The following SOBP variants were observed in gnomAD, a reference collection of about 807,000 sequenced individuals.
SOBP encodes sine oculis binding protein homolog, also known as sine oculis-binding protein homolog.
SOBP carries 4 observed loss-of-function variants against 53.6 expected under a neutral mutation model. The observed-to-expected ratio is 0.07, with a 90% CI of 0.04 to 0.17. The LOEUF (loss-of-function observed/expected upper bound fraction) is 0.17. SOBP is among the 10% of genes least tolerant of loss of function. The pLI is 1.00. For missense variants in SOBP, 1,088 were observed against 1,204.7 expected, an observed-to-expected ratio of 0.90 and a Z score of 1.43; for synonymous variants, 584 against 522.6, an observed-to-expected ratio of 1.12 and a Z score of -1.60.
intron 6 of SOBP, among the ~76,000 whole-genome samples, chr6:107,639,876 T>C (rs1482263950): frequency 6.6e-6 from 1 of 152,234 alleles, no homozygotes; most frequent in Non-Finnish European, 1.5e-5. Context: ...AGTAACCCTT[T>C]CATCTCACTT....
At chr6:107,624,421 G>T (rs909305454) in intron 5 of SOBP, among the ~76,000 whole-genome samples, 2 of 152,170 alleles carry the variant, frequency 1.3e-5, no homozygotes, top group Admixed American at 1.3e-4. Flanking sequence ...AACTGGGGAC[G>T]TTTAAAAATA....
chr6:107,614,773 G>T (rs1786720616), intron 5 of SOBP, among the ~76,000 whole-genome samples: 1 of 152,194 alleles, frequency 6.6e-6, no homozygotes, highest in Non-Finnish European at 1.5e-5. Flanking sequence ...AAAATTGCTG[G>T]ATTGTTATTT....
chr6:107,494,958 G>A (rs2114932878), intron 1 of SOBP, among the ~76,000 whole-genome samples: 1 of 152,308 alleles, frequency 6.6e-6, no homozygotes, highest in Admixed American at 6.5e-5. Context: ...GATTTTAAGA[G>A]AGAGAGAGAG....
At chr6:107,516,034 AC>A (rs1277674475) in intron 3 of SOBP, among the ~76,000 whole-genome samples, 1 of 152,222 alleles carries the variant, frequency 6.6e-6, no homozygotes, top group African/African-American at 2.4e-5. Flanking sequence ...ATTAAAAAAA[AC>A]TTTTGGCAAA....
chr6:107,586,518 CT>C (rs5742433), intron 4 of SOBP, among the ~76,000 whole-genome samples: 18,597 of 145,640 alleles, frequency 0.13, 1,313 homozygotes, highest in East Asian at 0.35. Context: ...TAAATTAAAT[CT>C]TTTTTTTTTT....
intron 5 of SOBP, among the ~76,000 whole-genome samples, chr6:107,603,005 TACTGAGGTACTGACA>T (rs905748815): frequency 8.5e-5 from 13 of 152,052 alleles, no homozygotes; most frequent in Non-Finnish European, 1.6e-4. Flanking sequence ...ATTATCTGTT[TACTGAGGTACTGACA>T]AGGGCAGATC....
chr6:107,509,334 C>T (rs529391129), intron 3 of SOBP, among the ~76,000 whole-genome samples: 199 of 148,082 alleles, frequency 1.3e-3, no homozygotes, highest in African/African-American at 4.6e-3. Context: ...GTGGAGGTTG[C>T]GGTGAGCCAA....
rs933200859 is a variant in SOBP, at chr6:107,659,516, A to G, written c.*1313A>G. On this transcript the variant is annotated 3_prime_UTR_variant, in exon 7 of 7. Transcript: ENST00000317357. Reference sequence around the variant, plus strand: ...AAGAGAAAAAATTAAGAAAAAAATCAAAAAAGGAAGAAAACTAAAAAAAAA... The same window carrying G: ...AAGAGAAAAAATTAAGAAAAAAATCGAAAAAGGAAGAAAACTAAAAAAAAA... The G allele has an allele frequency of 1.3e-4, 17 of 130,654 alleles. No individual in the cohort carries two copies. Among genetic ancestry groups the G allele is most frequent in the African/African-American group, 4.4e-4 (17 of 38,396 alleles). The allele number at this position is 130,654 out of a possible 1,614,324, so 8.1% of individuals were successfully genotyped here. A position where few individuals can be genotyped will look rare whatever the true frequency, so the allele number is the denominator to read the frequency against.
chr6:107,496,794 C>CATA (rs975759278), intron 1 of SOBP, among the ~76,000 whole-genome samples: 1 of 152,138 alleles, frequency 6.6e-6, no homozygotes, highest in African/African-American at 2.4e-5. Context: ...TTAACTATAC[C>CATA]ATTGGATCCA....
intron 5 of SOBP, among the ~76,000 whole-genome samples, chr6:107,610,049 A>G (rs1470871737): frequency 1.3e-5 from 2 of 152,158 alleles, no homozygotes; most frequent in Admixed American, 6.5e-5. Context: ...TCTTAGTCAC[A>G]TCTTATCCAG....
chr6:107,594,275 T>C (rs894204176), intron 5 of SOBP, among the ~76,000 whole-genome samples: 1 of 152,198 alleles, frequency 6.6e-6, no homozygotes, highest in Non-Finnish European at 1.5e-5. Context: ...GGTAAACAAC[T>C]GGCACTCAAT....
chr6:107,542,866 G>A (rs1469813081), intron 4 of SOBP, among the ~76,000 whole-genome samples: 2 of 152,126 alleles, frequency 1.3e-5, no homozygotes, highest in East Asian at 1.9e-4. Flanking sequence ...GGCAGGTGGG[G>A]CTTGTCCCCA....
chr6:107,614,799 G>A (rs1349460433), intron 5 of SOBP, among the ~76,000 whole-genome samples: 3 of 152,164 alleles, frequency 2.0e-5, no homozygotes, highest in Admixed American at 6.5e-5. Flanking sequence ...ATGCAAAACC[G>A]GTATCAAAAG....
chr6:107,509,023 T>G (rs759235772), intron 3 of SOBP, among the ~76,000 whole-genome samples: 9 of 152,208 alleles, frequency 5.9e-5, no homozygotes, highest in Non-Finnish European at 1.2e-4. Flanking sequence ...ACATAAGCTC[T>G]CTTCACTTCA....
chr6:107,605,432 G>A (rs554600462), intron 5 of SOBP, among the ~76,000 whole-genome samples: 5 of 152,314 alleles, frequency 3.3e-5, no homozygotes, highest in South Asian at 2.1e-4. Context: ...ATATGTAGGC[G>A]AAAAACAAAT....
intron 4 of SOBP, among the ~76,000 whole-genome samples, chr6:107,571,959 G>A (rs950741447): frequency 1.5e-4 from 23 of 152,286 alleles, no homozygotes; most frequent in African/African-American, 5.5e-4. Flanking sequence ...AGGAGAAATA[G>A]CAATTAAGAT....
intron 3 of SOBP, among the ~76,000 whole-genome samples, chr6:107,525,571 C>G (rs1321550463): frequency 6.6e-6 from 1 of 152,202 alleles, no homozygotes; most frequent in African/African-American, 2.4e-5. Context: ...TCTGCTTTGA[C>G]TAGAAACACG....
intron 3 of SOBP, 149 bp from the exon 4 acceptor site, chr6:107,533,310 A>G: frequency 5.0e-6 from 2 of 399,152 alleles, no homozygotes; most frequent in Non-Finnish European, 9.2e-6. Flanking sequence ...AGAGAGAAAG[A>G]GAGAGAGAGA....
At chr6:107,517,804 A>G (rs1304300684) in intron 3 of SOBP, among the ~76,000 whole-genome samples, 1 of 152,198 alleles carries the variant, frequency 6.6e-6, no homozygotes, top group African/African-American at 2.4e-5. Flanking sequence ...TGAATACACC[A>G]ATATTTCTTA....
Sources: gnomAD v4.1 joint callset for allele counts (sites outside exome capture counted in the v4.1 genomes callset) on GRCh38, gnomAD v4.1.1 for gene constraint, MANE v1.5 for transcripts, NCBI Gene and HGNC (gene_info 2026-07-23, HGNC 2026-07-21) for gene names.